Variants in CORO7 observed in about 807,000 individuals in gnomAD.
CORO7 encodes coronin 7.
A neutral mutation model predicts 126.6 loss-of-function variants in CORO7; 107 were observed. That is an observed-to-expected ratio of 0.85 (90% CI 0.72 to 0.99). The LOEUF is 0.99. Ranked by LOEUF, CORO7 falls within the 50% of genes least tolerant of loss-of-function variation. CORO7 has a pLI of 0.00. For synonymous variants in CORO7, 603 were observed against 536.8 expected (o/e 1.12, Z -1.70); for missense variants, 1,314 against 1,255.8 (o/e 1.05, Z -0.70).
At position 4,402,321 on chromosome 16, in the gene CORO7, T is replaced by C. The variant is rs116021241; in HGVS notation, c.564+3170A>G. ...CCCAGGCTGGAGTGAAGTGGCTCAA[T>C]CCGAGCTCACTTCAGCCTCGAACTC... On this transcript the variant is annotated intron_variant, in intron 6 of 27. Coordinates refer to ENST00000251166, the MANE Select transcript of CORO7 (RefSeq NM_024535.5). Among the ~76,000 whole-genome samples, 1,006 of 152,126 alleles carry C rather than the reference T, an allele frequency of 6.6e-3. 6 individuals carry two copies. Among genetic ancestry groups the C allele is most frequent in the Middle Eastern group, 0.031 (9 of 294 alleles).
At chr16:4,393,174 G>T (rs530566497) in intron 7 of CORO7, among the ~76,000 whole-genome samples, 2 of 152,354 alleles carry the variant, frequency 1.3e-5, no homozygotes, top group Non-Finnish European at 2.9e-5. Flanking sequence ...CAGAAGCATA[G>T]GTGCCCCAGC....
intron 6 of CORO7, among the ~76,000 whole-genome samples, chr16:4,403,265 GC>G (rs1049186963): frequency 4.6e-5 from 7 of 152,088 alleles, no homozygotes; most frequent in Non-Finnish European, 1.0e-4. Context: ...CAGTCAGGCC[GC>G]CCCCCACTCC....
Position 4,382,307 on chromosome 16 carries a change from G to A in CORO7, c.785+5679C>T, listed in dbSNP as rs1412533102. Reference sequence around the variant, plus strand: ...GAGCCGGTGAGCCCCACCTCCCTGCGCGTGGGGCTGCAGCGCTACCTCCAG... The same window carrying A: ...GAGCCGGTGAGCCCCACCTCCCTGCACGTGGGGCTGCAGCGCTACCTCCAG... On this transcript the variant is annotated intron_variant, in intron 9 of 27. Coordinates refer to ENST00000251166, the MANE Select transcript of CORO7 (RefSeq NM_024535.5). The A allele has an allele frequency of 1.2e-5, 19 of 1,610,508 alleles. No individual in the cohort carries two copies. In the South Asian group the frequency reaches 1.2e-4, roughly 10 times the overall value.
At chr16:4,415,261 C>G (rs1332788256) in intron 1 of CORO7, among the ~76,000 whole-genome samples, 1 of 152,208 alleles carries the variant, frequency 6.6e-6, no homozygotes, top group African/African-American at 2.4e-5. Flanking sequence ...TGTCACCATA[C>G]TGCTCCGGCC....
In CORO7 at chr16:4,361,487, AC is replaced by A; in HGVS notation, c.1579-19del. The A allele has an allele frequency of 6.2e-7, 1 of 1,609,446 alleles. No homozygotes were observed. Among genetic ancestry groups the A allele is most frequent in the Non-Finnish European group, 8.5e-7 (1 of 1,179,288 alleles). On this transcript the variant is annotated intron_variant, in intron 16 of 27. Coordinates refer to ENST00000251166, the MANE Select transcript of CORO7 (RefSeq NM_024535.5). ...TTCCGTAGCTGTGGGAGGTGCCCCCACCCCGAGGCCCATCAGTACCAGGCAG... is the reference window on the plus strand; with the variant it reads ...TTCCGTAGCTGTGGGAGGTGCCCCCACCCGAGGCCCATCAGTACCAGGCAG...
At chr16:4,403,216 C>T (rs2055877310) in intron 6 of CORO7, among the ~76,000 whole-genome samples, 2 of 152,190 alleles carry the variant, frequency 1.3e-5, no homozygotes, top group Admixed American at 1.3e-4. Flanking sequence ...CAAGCCCTCG[C>T]TCTCTGCACA....
intron 9 of CORO7, among the ~76,000 whole-genome samples, chr16:4,375,430 C>T (rs1157227377): frequency 1.3e-5 from 2 of 152,242 alleles, no homozygotes; most frequent in South Asian, 2.1e-4. Context: ...CCTGGCTGTG[C>T]GGAGGACTCG....
rs776798568 is a variant in CORO7 at position 4,359,313 on chromosome 16, A to T, written c.2323T>A (p.Ser775Thr). ...GGCCTCACCTTGTGGGGGTCAGGCGACGTGAAGCTGTTGCACTCCAGGAAG... is the reference window on the plus strand; with the variant it reads ...GGCCTCACCTTGTGGGGGTCAGGCGTCGTGAAGCTGTTGCACTCCAGGAAG... ...PFFLECNSFT[S>T]PDPHKGLVLL... Residue 775 changes from serine to threonine, a missense_variant, in exon 23 of 28, where the codon TCG (serine) becomes ACG (threonine). Physicochemically the swap from Ser to Thr is moderately conservative, Grantham distance 58. Transcript: ENST00000251166. 22 of 1,609,736 alleles carry T rather than the reference A, an allele frequency of 1.4e-5. No homozygotes were observed. Among genetic ancestry groups the T allele is most frequent in the Non-Finnish European group, 1.9e-5 (22 of 1,178,662 alleles).
chr16:4,386,532 A>G (rs1001010281), intron 9 of CORO7, among the ~76,000 whole-genome samples: 2 of 152,190 alleles, frequency 1.3e-5, no homozygotes, highest in Non-Finnish European at 2.9e-5. Flanking sequence ...GATGGGGGAC[A>G]TGGGGCCAGA....
At chr16:4,373,963 C>T (rs746097620) in intron 9 of CORO7, among the ~76,000 whole-genome samples, 12 of 152,206 alleles carry the variant, frequency 7.9e-5, no homozygotes, top group Non-Finnish European at 1.2e-4. Flanking sequence ...CTGGACCCCC[C>T]ATCAGCTGCC....
At chr16:4,355,529 C>T (rs762246576) in intron 26 of CORO7, 157 bp from the exon 27 acceptor site, 68 of 760,190 alleles carry the variant, frequency 8.9e-5, no homozygotes, top group South Asian at 2.5e-4. Context: ...AGTGCAGTGG[C>T]GCGATCTCGG....
chr16:4,412,224 G>A, intron 3 of CORO7, 132 bp downstream of exon 3: 2 of 929,432 alleles, frequency 2.2e-6, no homozygotes, highest in Non-Finnish European at 3.4e-6. Flanking sequence ...GTCTCTCAGA[G>A]AGTGCACAGA....
chr16:4,411,453 G>T (rs912742619), intron 3 of CORO7, among the ~76,000 whole-genome samples: 2 of 152,124 alleles, frequency 1.3e-5, no homozygotes, highest in Non-Finnish European at 2.9e-5. Context: ...TGTAATGCCA[G>T]TACTTTGGGA....
chr16:4,393,858 TG>T (rs1328739232), intron 7 of CORO7, among the ~76,000 whole-genome samples: 6 of 152,170 alleles, frequency 3.9e-5, no homozygotes, highest in African/African-American at 1.2e-4. Context: ...CCCAGCACTT[TG>T]GCAGGCCGAG....
At chr16:4,365,727 GC>G (rs2054327715) in intron 9 of CORO7, among the ~76,000 whole-genome samples, 182 bp from the exon 10 acceptor site, 1 of 152,008 alleles carries the variant, frequency 6.6e-6, no homozygotes, top group Non-Finnish European at 1.5e-5. Context: ...CCCAACACAC[GC>G]CCACACCCCA....
At chr16:4,375,917 CAG>C (rs1385676869) in intron 9 of CORO7, among the ~76,000 whole-genome samples, 2 of 152,170 alleles carry the variant, frequency 1.3e-5, no homozygotes, top group African/African-American at 4.8e-5. Context: ...GACGGAAGCC[CAG>C]AGAGGGGAGC....
Position 4,389,542 on chromosome 16 carries a change from G to A in CORO7, c.616-911C>T, listed in dbSNP as rs146790859. 9.9e-3 allele frequency among the ~76,000 whole-genome samples: 1,515 copies of A among 152,284 alleles called. 30 individuals carry two copies. The highest frequency in any genetic ancestry group is 0.035 in the African/African-American group (1,442 of 41,554). ...TGGCCTGGGGCCCCCTCCCCAGCCC[G>A]TGGAGGCTGACTCCAGCGTGGGAGA... On this transcript the variant is annotated intron_variant, in intron 7 of 27. Transcript: ENST00000251166.
chr16:4,408,437 G>T (rs990654794), intron 3 of CORO7, among the ~76,000 whole-genome samples, 186 bp from the exon 4 acceptor site: 1 of 152,202 alleles, frequency 6.6e-6, no homozygotes, highest in Admixed American at 6.5e-5. Flanking sequence ...GTCCCCGAGG[G>T]CCCTGCTGAC....
rs1263075481 is a variant in CORO7 at position 4,359,637 on chromosome 16, G to A, written c.2109-16C>T. The A allele has an allele frequency of 3.8e-6, 6 of 1,580,126 alleles. No homozygotes were observed. Among genetic ancestry groups the A allele is most frequent in the Non-Finnish European group, 3.4e-6 (4 of 1,161,670 alleles). On this transcript the variant is annotated splice_polypyrimidine_tract_variant and intron_variant, in intron 21 of 27. Coordinates refer to ENST00000251166, the MANE Select transcript of CORO7 (RefSeq NM_024535.5). ...CTCACTTTGGCTGCAAGGGGGTTTGGGGGCTGAAGCAGGTGTTTCAGAGCT... is the reference window on the plus strand; with the variant it reads ...CTCACTTTGGCTGCAAGGGGGTTTGAGGGCTGAAGCAGGTGTTTCAGAGCT...
Sources: gnomAD v4.1 joint callset for allele counts (sites outside exome capture counted in the v4.1 genomes callset) on GRCh38, gnomAD v4.1.1 for gene constraint, MANE v1.5 for transcripts, NCBI Gene and HGNC (gene_info 2026-07-23, HGNC 2026-07-21) for gene names.